Variants in CHST8 observed in about 807,000 individuals in gnomAD.
The protein encoded by CHST8 is carbohydrate sulfotransferase 8.
A neutral mutation model predicts 15.0 loss-of-function variants in CHST8; 10 were observed. That is an observed-to-expected ratio of 0.67 (90% confidence interval 0.41 to 1.13). CHST8 has a LOEUF of 1.13. Ranked by LOEUF, CHST8 falls within the 50% of genes most tolerant of loss-of-function variation. The pLI is 0.00. For missense variants in CHST8, 634 were observed against 608.2 expected, an observed-to-expected ratio of 1.04 and a Z score of -0.45; for synonymous variants, 259 against 256.6, an observed-to-expected ratio of 1.01 and a Z score of -0.09.
Position 33,697,089 on chromosome 19 carries a change from T to C in CHST8, c.130+7698T>C, listed in dbSNP as rs552885428. 7.5e-3 allele frequency among the ~76,000 whole-genome samples: 1,134 copies of C among 152,088 alleles called. 22 individuals are homozygous for C. The highest frequency in any genetic ancestry group is 0.026 in the African/African-American group (1,072 of 41,510). ...CAAACTCCTGACCTTGTGATCCACC[T>C]GCCTCAGCCTCCCAAAGTGCTGGGA... On this transcript the variant is annotated intron_variant, in intron 3 of 4. Coordinates refer to ENST00000650847, the MANE Select transcript of CHST8 (RefSeq NM_001127895.2).
At chr19:33,737,974 A>G (rs1974117154) in intron 3 of CHST8, among the ~76,000 whole-genome samples, 1 of 151,900 alleles carries the variant, frequency 6.6e-6, no homozygotes. Flanking sequence ...GACCAAAAGA[A>G]AAAAAAAACT....
At chr19:33,702,019 C>T (rs1331829539) in intron 3 of CHST8, among the ~76,000 whole-genome samples, 2 of 152,150 alleles carry the variant, frequency 1.3e-5, no homozygotes, top group African/African-American at 2.4e-5. Context: ...GATGGAATCT[C>T]GCTGTGTCAC....
chr19:33,757,199 G>A (rs951502155), intron 3 of CHST8, among the ~76,000 whole-genome samples: 3 of 151,638 alleles, frequency 2.0e-5, no homozygotes, highest in Non-Finnish European at 4.4e-5. Context: ...AGACCAGCCT[G>A]GGCAACATAG....
chr19:33,752,576 C>T (rs1412749375), intron 3 of CHST8, among the ~76,000 whole-genome samples: 2 of 152,094 alleles, frequency 1.3e-5, no homozygotes, highest in African/African-American at 2.4e-5. Flanking sequence ...GGCAGTTCCC[C>T]GGGGAGTCGC....
intron 2 of CHST8, among the ~76,000 whole-genome samples, chr19:33,688,763 C>T (rs535348454): frequency 1.1e-4 from 17 of 152,218 alleles, no homozygotes; most frequent in African/African-American, 1.4e-4. Flanking sequence ...CCCACCGGGC[C>T]GGGTACCAGG....
intron 3 of CHST8, among the ~76,000 whole-genome samples, chr19:33,732,144 C>A (rs183174823): frequency 6.6e-6 from 1 of 152,304 alleles, no homozygotes; most frequent in African/African-American, 2.4e-5. Context: ...AAAAGCCGCC[C>A]CCTGAGGCTC....
chr19:33,728,263 C>G (rs1439767935), intron 3 of CHST8, among the ~76,000 whole-genome samples: 3 of 152,254 alleles, frequency 2.0e-5, no homozygotes, highest in Non-Finnish European at 4.4e-5. Context: ...ACAGTTCTCT[C>G]TAGGCTCTGG....
intron 2 of CHST8, among the ~76,000 whole-genome samples, chr19:33,688,741 A>G (rs1043437558): frequency 4.6e-5 from 7 of 152,152 alleles, no homozygotes; most frequent in African/African-American, 1.7e-4. Flanking sequence ...GGCACATCCA[A>G]GAGCTTCTCT....
At chr19:33,694,208 AT>A (rs1973162427) in intron 3 of CHST8, among the ~76,000 whole-genome samples, 1 of 85,010 alleles carries the variant, frequency 1.2e-5, no homozygotes, top group African/African-American at 5.0e-5. Flanking sequence ...ATATATATAT[AT>A]ATATATATAT....
intron 3 of CHST8, among the ~76,000 whole-genome samples, chr19:33,695,801 T>TTTTCTTTCTTTCTTTCTTTCTTTCTTTC (rs748705602): frequency 2.3e-5 from 3 of 130,310 alleles, no homozygotes; most frequent in East Asian, 2.3e-4. Context: ...CACATTTTCT[T>TTTTCTTTCTTTCTTTCTTTCTTTCTTTC]TTTCTTTCTT....
At chr19:33,770,553 A>T (rs542024737) in intron 3 of CHST8, among the ~76,000 whole-genome samples, 13 of 152,178 alleles carry the variant, frequency 8.5e-5, no homozygotes, top group Non-Finnish European at 1.8e-4. Context: ...AGACCAAATG[A>T]GGTATGACAC....
At chr19:33,637,000 T>C (rs1023551083) in intron 1 of CHST8, among the ~76,000 whole-genome samples, 7 of 152,244 alleles carry the variant, frequency 4.6e-5, no homozygotes, top group African/African-American at 1.7e-4. Flanking sequence ...TATTTCTTGA[T>C]GATACGCAAA....
At chr19:33,745,639 G>A (rs922858072) in intron 3 of CHST8, among the ~76,000 whole-genome samples, 1 of 152,224 alleles carries the variant, frequency 6.6e-6, no homozygotes, top group African/African-American at 2.4e-5. Flanking sequence ...GTAAGGGAAC[G>A]AAGGAAGCAG....
At chr19:33,627,562 G>A (rs549568116) in intron 1 of CHST8, among the ~76,000 whole-genome samples, 50 of 152,278 alleles carry the variant, frequency 3.3e-4, no homozygotes, top group Admixed American at 1.6e-3. Flanking sequence ...CACTCCGCAC[G>A]TAGAACACCA....
rs768064610 is a variant in CHST8 at position 33,692,384 on chromosome 19, C to T, written c.130+2993C>T. Among the ~76,000 whole-genome samples, 196 of 152,228 alleles carry T rather than the reference C, an allele frequency of 1.3e-3. 1 individual carries two copies. The highest frequency in any genetic ancestry group is 4.6e-3 in the African/African-American group (191 of 41,528). Reference sequence around the variant, plus strand: ...CTTCTCCAAGAGAAAGACTTGGAGACCAGGCCAGAACCAGGAATAACAAAC... The same window carrying T: ...CTTCTCCAAGAGAAAGACTTGGAGATCAGGCCAGAACCAGGAATAACAAAC... On this transcript the variant is annotated intron_variant, in intron 3 of 4. Coordinates refer to ENST00000650847, the MANE Select transcript of CHST8 (RefSeq NM_001127895.2).
intron 1 of CHST8, among the ~76,000 whole-genome samples, chr19:33,656,151 T>G (rs1471420142): frequency 1.3e-5 from 2 of 152,188 alleles, no homozygotes; most frequent in Non-Finnish European, 2.9e-5. Flanking sequence ...GGAGGGTACT[T>G]TAAAGCTTTT....
At chr19:33,654,137 GAGTTTTT>G (rs149098517) in intron 1 of CHST8, among the ~76,000 whole-genome samples, 2 of 152,246 alleles carry the variant, frequency 1.3e-5, no homozygotes, top group East Asian at 1.9e-4. Context: ...TCCTAGCAAT[GAGTTTTT>G]AATTTTAATC....
chr19:33,703,157 G>A (rs1158752477), intron 3 of CHST8, among the ~76,000 whole-genome samples: 4 of 152,236 alleles, frequency 2.6e-5, no homozygotes, highest in Non-Finnish European at 1.5e-5. Context: ...AGAGGCCCGA[G>A]GTAGGGGGCC....
intron 3 of CHST8, among the ~76,000 whole-genome samples, chr19:33,724,015 C>G (rs1450528281): frequency 6.6e-6 from 1 of 152,162 alleles, no homozygotes; most frequent in Non-Finnish European, 1.5e-5. Flanking sequence ...TGGACAGAAA[C>G]TGAGTGTGGG....
Sources: gnomAD v4.1 joint callset for allele counts (sites outside exome capture counted in the v4.1 genomes callset) on GRCh38, gnomAD v4.1.1 for gene constraint, MANE v1.5 for transcripts, NCBI Gene and HGNC (gene_info 2026-07-23, HGNC 2026-07-21) for gene names.